The following C16orf96 variants were observed in gnomAD, a reference collection of about 807,000 sequenced individuals.
C16orf96 encodes the protein uncharacterized protein C16orf96.
A neutral mutation model predicts 103.6 loss-of-function variants in C16orf96; 108 were observed. The observed-to-expected ratio is 1.04, with a 90% CI of 0.89 to 1.22. C16orf96 has a LOEUF of 1.22. Among genes scored for constraint, C16orf96 ranks in the 50% most tolerant of loss-of-function variants. C16orf96 has a pLI of 0.00. For synonymous variants in C16orf96, 566 were observed against 593.5 expected (o/e 0.95, Z 0.67); for missense variants, 1,586 against 1,464.2 (o/e 1.08, Z -1.36).
At chr16:4,584,531 G>C (rs976961734) in intron 7 of C16orf96, among the ~76,000 whole-genome samples, 6 of 148,866 alleles carry the variant, frequency 4.0e-5, no homozygotes, top group Non-Finnish European at 1.5e-5. Flanking sequence ...TGGTTTTTTT[G>C]GTTTGTTTTT....
rs1896942778 is a variant in C16orf96 at position 4,587,028 on chromosome 16, T to C, written c.2353-11T>C. 1 of 1,551,032 alleles carries C rather than the reference T, an allele frequency of 6.4e-7. No individual in the cohort carries two copies. The highest frequency in any genetic ancestry group is 1.4e-5 in the African/African-American group (1 of 73,154). ...CCAGGATGGCAGACATGCCTGTGCT[T>C]CTGTTCTTAGACTCTCCAGGCTCAA... On this transcript the variant is annotated splice_polypyrimidine_tract_variant and intron_variant, in intron 7 of 15. Transcript: ENST00000444310.
chr16:4,540,457 G>A, the C16orf96 span, among the ~76,000 whole-genome samples: 1 of 152,106 alleles, frequency 6.6e-6, no homozygotes, highest in East Asian at 1.9e-4. Flanking sequence ...CTCTGGCCAG[G>A]CGTGGTGGCT....
intron 1 of C16orf96, among the ~76,000 whole-genome samples, chr16:4,565,634 G>T (rs2059379119): frequency 6.6e-6 from 1 of 152,098 alleles, no homozygotes; most frequent in African/African-American, 2.4e-5. Context: ...GATTACAGCT[G>T]CCCACCACCA....
At chr16:4,561,048 A>C (rs1485602237) in intron 1 of C16orf96, 1 of 152,058 alleles carries the variant, frequency 6.6e-6, no homozygotes, top group African/African-American at 2.4e-5. Flanking sequence ...GCTACTTGGG[A>C]GGCTGAGAAC....
intron 2 of C16orf96, 64 bp downstream of exon 2, chr16:4,571,729 A>G: frequency 7.3e-7 from 1 of 1,377,884 alleles, no homozygotes; most frequent in Non-Finnish European, 1.0e-6. Flanking sequence ...GGTTGGAGCA[A>G]TGAGGAAAAT....
intron 3 of C16orf96, 42 bp downstream of exon 3, chr16:4,574,831 C>T (rs2059480690): frequency 1.3e-6 from 2 of 1,537,350 alleles, no homozygotes; most frequent in Non-Finnish European, 1.8e-6. Flanking sequence ...CCCCCTGGGA[C>T]CCCCCAACCT....
At chr16:4,592,053 C>G (rs1567456553) in intron 10 of C16orf96, among the ~76,000 whole-genome samples, 1 of 152,206 alleles carries the variant, frequency 6.6e-6, no homozygotes, top group Admixed American at 6.5e-5. Flanking sequence ...CAGACAGTGC[C>G]CCAGGCAGAG....
intron 5 of C16orf96, among the ~76,000 whole-genome samples, chr16:4,577,754 G>A (rs910275496): frequency 5.9e-5 from 9 of 152,150 alleles, no homozygotes; most frequent in Non-Finnish European, 8.8e-5. Context: ...TCAGGAGTTC[G>A]AGACCAGCCT....
chr16:4,554,097 C>G (rs998904219), upstream of C16orf96, among the ~76,000 whole-genome samples: 3 of 152,132 alleles, frequency 2.0e-5, no homozygotes, highest in African/African-American at 7.2e-5. Flanking sequence ...GGCTGGGATT[C>G]TCTTGTCCCA....
intron 1 of C16orf96, among the ~76,000 whole-genome samples, chr16:4,557,580 G>C (rs2059279548): frequency 6.6e-6 from 1 of 152,198 alleles, no homozygotes. Flanking sequence ...TTTGGAACTA[G>C]ATGGAGGTGG....
chr16:4,544,303 T>C, the C16orf96 span, among the ~76,000 whole-genome samples: 2 of 152,140 alleles, frequency 1.3e-5, no homozygotes, highest in African/African-American at 4.8e-5. Flanking sequence ...CACGGCCCTC[T>C]CCAAAATATT....
At chr16:4,589,881 C>G (rs1050332741) in intron 9 of C16orf96, among the ~76,000 whole-genome samples, 1 of 149,812 alleles carries the variant, frequency 6.7e-6, no homozygotes, top group African/African-American at 2.5e-5. Context: ...CCCAGCACTT[C>G]GGGAGGCTGA....
At chr16:4,567,450 A>AT (rs147445553) in intron 1 of C16orf96, among the ~76,000 whole-genome samples, 7 of 148,110 alleles carry the variant, frequency 4.7e-5, no homozygotes, top group African/African-American at 1.2e-4. Context: ...CGCCCGGCTA[A>AT]TTTTTTTTTG....
chr16:4,588,138 A>G (rs1024618333), intron 8 of C16orf96, 29 bp from the exon 9 acceptor site: 15 of 1,542,634 alleles, frequency 9.7e-6, no homozygotes, highest in Non-Finnish European at 1.3e-5. Context: ...CCCAGCAGCC[A>G]TGCCTCCCTG....
chr16:4,549,104 A>T, the C16orf96 span, among the ~76,000 whole-genome samples: 9 of 151,976 alleles, frequency 5.9e-5, no homozygotes, highest in South Asian at 2.1e-4. Context: ...AGACCCTATT[A>T]AAAAAAGTGC....
intron 15 of C16orf96, among the ~76,000 whole-genome samples, chr16:4,599,823 G>C (rs2141773220): frequency 6.6e-6 from 1 of 152,342 alleles, no homozygotes; most frequent in East Asian, 1.9e-4. Context: ...TGAGCTGGGA[G>C]CTGAGCCCAG....
intron 5 of C16orf96, among the ~76,000 whole-genome samples, chr16:4,577,398 C>T (rs1422409095): frequency 2.0e-5 from 3 of 152,182 alleles, no homozygotes; most frequent in African/African-American, 7.2e-5. Context: ...TGTGCGGTGG[C>T]TCACGCCTAT....
intron 1 of C16orf96, among the ~76,000 whole-genome samples, chr16:4,567,340 A>G (rs1659507): frequency 0.96 from 136,021 of 142,262 alleles, 65,349 homozygotes; most frequent in South Asian, 1. Flanking sequence ...CTGGAGTGCA[A>G]TGGCGCGATC....
At chr16:4,592,463 C>G (rs991725202) in intron 11 of C16orf96, 96 bp downstream of exon 11, 22 of 1,375,478 alleles carry the variant, frequency 1.6e-5, no homozygotes, top group Middle Eastern at 1.8e-4. Flanking sequence ...TCCATGCACG[C>G]TGTGTGTCTA....
Sources: allele counts gnomAD v4.1 joint callset (sites outside exome capture counted in the v4.1 genomes callset), GRCh38; gene constraint gnomAD v4.1.1; transcripts MANE v1.5; gene names NCBI Gene and HGNC (gene_info 2026-07-23, HGNC 2026-07-21).